The following TMEM74 variants were observed in gnomAD, a reference collection of about 807,000 sequenced individuals.
The protein encoded by TMEM74 is transmembrane protein 74.
In TMEM74, 13 loss-of-function variants were observed where a neutral mutation model predicts 18.1. That is an observed-to-expected ratio of 0.72 (90% CI 0.47 to 1.14). The LOEUF (loss-of-function observed/expected upper bound fraction) is 1.14, where lower values mean the gene tolerates loss of function less well. Among genes scored for constraint, TMEM74 ranks in the 50% most tolerant of loss-of-function variants. The pLI is 0.00. For synonymous variants in TMEM74, 159 were observed against 146.6 expected, an observed-to-expected ratio of 1.08 and a Z score of -0.61; for missense variants, 372 against 375.9, an observed-to-expected ratio of 0.99 and a Z score of 0.09.
intron 1 of TMEM74, among the ~76,000 whole-genome samples, chr8:108,661,378 CTTTTTTTTTTTT>C (rs760545466): frequency 6.9e-5 from 6 of 86,728 alleles, no homozygotes; most frequent in Non-Finnish European, 1.3e-4. Context: ...CCTTGCAGCT[CTTTTTTTTTTTT>C]TTTTTTTTTT....
At chr8:108,684,227 A>G (rs1813145835) in intron 1 of TMEM74, among the ~76,000 whole-genome samples, 2 of 152,084 alleles carry the variant, frequency 1.3e-5, no homozygotes, top group Admixed American at 6.6e-5. Flanking sequence ...CCAACAGTGT[A>G]GAGGAATTCT....
chr8:108,718,429 G>A (rs1312057228), intron 1 of TMEM74, among the ~76,000 whole-genome samples: 2 of 152,152 alleles, frequency 1.3e-5, no homozygotes, highest in Non-Finnish European at 2.9e-5. Flanking sequence ...ATTACCTACA[G>A]TGGTACATGA....
downstream of TMEM74, among the ~76,000 whole-genome samples, chr8:108,776,176 G>T (rs971307049): frequency 1.3e-5 from 2 of 152,178 alleles, no homozygotes; most frequent in Non-Finnish European, 2.9e-5. Flanking sequence ...TTGGGTTTTG[G>T]TATGGTAAAA....
At chr8:108,698,417 T>A (rs1484709329) in intron 1 of TMEM74, among the ~76,000 whole-genome samples, 1 of 152,220 alleles carries the variant, frequency 6.6e-6, no homozygotes, top group Non-Finnish European at 1.5e-5. Context: ...ACTTGAACTC[T>A]CTAGGAAACA....
chr8:108,754,257 T>C (rs909531682), intron 1 of TMEM74, among the ~76,000 whole-genome samples: 1 of 152,154 alleles, frequency 6.6e-6, no homozygotes, highest in Non-Finnish European at 1.5e-5. Flanking sequence ...AAATTCCATA[T>C]GTAGTTCTTA....
rs571614315 is a variant in TMEM74, at chr8:108,784,274, A to G, written c.825T>C (p.Tyr275=). 6 of 1,614,176 alleles carry G rather than the reference A, an allele frequency of 3.7e-6. No homozygotes were observed. The highest frequency in any genetic ancestry group is 1.3e-5 in the African/African-American group (1 of 75,052). The change falls in exon 2 of 2, where the codon TAT becomes TAC. Residue 275 remains tyrosine, a synonymous_variant. Transcript: ENST00000297459. Reference sequence around the variant, plus strand: ...TTTTCATCCTGAAGTTGAAAGAACCATAGAGTTTTGCAGACTCTTTGGAAG... The same window carrying G: ...TTTTCATCCTGAAGTTGAAAGAACCGTAGAGTTTTGCAGACTCTTTGGAAG... ...FASSKESAKL[Y]GSFNFRMKTS...
intron 1 of TMEM74, among the ~76,000 whole-genome samples, chr8:108,663,367 C>T (rs1447954369): frequency 6.6e-6 from 1 of 152,150 alleles, no homozygotes; most frequent in Non-Finnish European, 1.5e-5. Context: ...GAAAAAAGCT[C>T]AACATCACTG....
intron 1 of TMEM74, among the ~76,000 whole-genome samples, chr8:108,664,757 G>A (rs928419608): frequency 3.0e-4 from 45 of 152,058 alleles, no homozygotes; most frequent in Admixed American, 5.9e-4. Flanking sequence ...ATATAACCTA[G>A]AAGAAACAAG....
At chr8:108,627,189 T>A (rs1812501829) in intron 2 of TMEM74, among the ~76,000 whole-genome samples, 2 of 152,054 alleles carry the variant, frequency 1.3e-5, no homozygotes, top group South Asian at 4.1e-4. Context: ...AGTTTACAAC[T>A]AGAGTGAGGA....
At chr8:108,709,396 G>T (rs1349384943) in intron 1 of TMEM74, among the ~76,000 whole-genome samples, 4 of 152,116 alleles carry the variant, frequency 2.6e-5, no homozygotes, top group African/African-American at 9.7e-5. Context: ...AAACCTAGGG[G>T]ACATTATGCT....
At chr8:108,672,297 A>C (rs1472547260) in intron 1 of TMEM74, among the ~76,000 whole-genome samples, 1 of 152,232 alleles carries the variant, frequency 6.6e-6, no homozygotes, top group Non-Finnish European at 1.5e-5. Flanking sequence ...GCTTGAGTCT[A>C]GGAACCTCAG....
intron 1 of TMEM74, among the ~76,000 whole-genome samples, chr8:108,695,959 A>T (rs1813278061): frequency 6.6e-6 from 1 of 152,138 alleles, no homozygotes; most frequent in Non-Finnish European, 1.5e-5. Context: ...CTCTGCTGTT[A>T]AATCCACTTT....
chr8:108,705,773 T>C (rs1813391045), intron 1 of TMEM74, among the ~76,000 whole-genome samples: 1 of 152,156 alleles, frequency 6.6e-6, no homozygotes, highest in Admixed American at 6.5e-5. Flanking sequence ...AATCTAATGC[T>C]CCATATTTGG....
intron 1 of TMEM74, among the ~76,000 whole-genome samples, chr8:108,771,649 C>A (rs1383806669): frequency 1.3e-5 from 2 of 152,154 alleles, no homozygotes; most frequent in Non-Finnish European, 2.9e-5. Flanking sequence ...AGAATCTTTG[C>A]AAATTATGTT....
At chr8:108,761,095 C>T (rs960580427) in intron 1 of TMEM74, among the ~76,000 whole-genome samples, 1 of 151,810 alleles carries the variant, frequency 6.6e-6, no homozygotes, top group African/African-American at 2.4e-5. Context: ...GGTTTCTATT[C>T]GTTCATCAAT....
intron 1 of TMEM74, among the ~76,000 whole-genome samples, chr8:108,755,465 G>T (rs986487640): frequency 2.6e-5 from 4 of 152,076 alleles, no homozygotes; most frequent in Non-Finnish European, 4.4e-5. Context: ...TGAAAATAAG[G>T]CTAGAAGTCC....
chr8:108,625,540 A>G (rs1315800684), intron 2 of TMEM74, among the ~76,000 whole-genome samples: 1 of 152,022 alleles, frequency 6.6e-6, no homozygotes, highest in African/African-American at 2.4e-5. Flanking sequence ...TCCAAACAAA[A>G]CACAAAATTA....
chr8:108,626,865 C>CA (rs1812499349), intron 2 of TMEM74: 1 of 151,864 alleles, frequency 6.6e-6, no homozygotes, highest in African/African-American at 2.4e-5. Flanking sequence ...GGAAGATTCC[C>CA]AAATCATTCT....
At chr8:108,756,614 G>GA (rs1563543655) in intron 1 of TMEM74, among the ~76,000 whole-genome samples, 9 of 77,400 alleles carry the variant, frequency 1.2e-4, no homozygotes, top group African/African-American at 4.8e-4. Context: ...AAGGAAGGAA[G>GA]GAAGGAAGGA....
Sources: gnomAD v4.1 joint callset for allele counts (sites outside exome capture counted in the v4.1 genomes callset) on GRCh38, gnomAD v4.1.1 for gene constraint, MANE v1.5 for transcripts, NCBI Gene and HGNC (gene_info 2026-07-23, HGNC 2026-07-21) for gene names.